NME7: variants seen among roughly 807,000 people sequenced by gnomAD.
NME7 encodes nucleoside diphosphate kinase 7.
Under a neutral mutation model 49.1 loss-of-function variants are expected in NME7, and 41 were observed. The ratio of observed to expected loss-of-function variants is 0.83; its 90% CI spans 0.65 to 1.08. The LOEUF is 1.08. Among genes scored for constraint, NME7 ranks in the 50% least tolerant of loss-of-function variants. The probability of loss-of-function intolerance (pLI) is 0.00; values close to 1 mark genes in which losing one functional copy is unlikely to be tolerated. For missense variants in NME7, 423 were observed against 463.4 expected (o/e 0.91, Z 0.80); for synonymous variants, 139 against 150.6 (o/e 0.92, Z 0.56).
At chr1:169,362,793 T>A (rs1342898700) in intron 1 of NME7, among the ~76,000 whole-genome samples, 1 of 152,226 alleles carries the variant, frequency 6.6e-6, no homozygotes, top group Non-Finnish European at 1.5e-5. Context: ...GTGATCTGGA[T>A]GCACAAAGAA....
chr1:169,295,240 G>A (rs1246745634), intron 6 of NME7, among the ~76,000 whole-genome samples: 1 of 152,002 alleles, frequency 6.6e-6, no homozygotes, highest in Non-Finnish European at 1.5e-5. Flanking sequence ...AACACAAAAT[G>A]GACTGAGACA....
intron 10 of NME7, among the ~76,000 whole-genome samples, chr1:169,179,695 T>A (rs189927035): frequency 5.3e-5 from 8 of 152,224 alleles, no homozygotes; most frequent in Middle Eastern, 3.4e-3. Flanking sequence ...CTTAGCAAAC[T>A]AACGCAGGAA....
intron 11 of NME7, among the ~76,000 whole-genome samples, chr1:169,161,844 C>CT (rs1380019197): frequency 6.6e-6 from 1 of 152,304 alleles, no homozygotes; most frequent in East Asian, 1.9e-4. Flanking sequence ...GACCTAGGTT[C>CT]TATAATGCTT....
At chr1:169,194,202 C>T (rs1660309909) in intron 10 of NME7, among the ~76,000 whole-genome samples, 1 of 152,096 alleles carries the variant, frequency 6.6e-6, no homozygotes, top group African/African-American at 2.4e-5. Flanking sequence ...CAAAATTTCT[C>T]AATCCCTATG....
At chr1:169,306,333 G>A (rs145794154) in intron 4 of NME7, among the ~76,000 whole-genome samples, 1 of 152,266 alleles carries the variant, frequency 6.6e-6, no homozygotes, top group African/African-American at 2.4e-5. Flanking sequence ...ATGGCAATAA[G>A]AAAATGGCAT....
At chr1:169,202,096 C>T (rs1660566491) in intron 10 of NME7, among the ~76,000 whole-genome samples, 1 of 152,156 alleles carries the variant, frequency 6.6e-6, no homozygotes, top group African/African-American at 2.4e-5. Context: ...ATGTTTCCCA[C>T]ATTATGTCAT....
chr1:169,291,452 T>C (rs1315823539), intron 6 of NME7, among the ~76,000 whole-genome samples: 1 of 151,192 alleles, frequency 6.6e-6, no homozygotes, highest in East Asian at 1.9e-4. Context: ...TATGTGGGAG[T>C]TGAACAATGA....
intron 6 of NME7, among the ~76,000 whole-genome samples, chr1:169,296,156 CA>C (rs1460619108): frequency 6.6e-6 from 1 of 151,498 alleles, no homozygotes; most frequent in South Asian, 2.1e-4. Context: ...AAAAACTCCT[CA>C]AAAAAAAAGT....
intron 7 of NME7, among the ~76,000 whole-genome samples, chr1:169,268,751 A>G (rs2101871506): frequency 7.5e-6 from 1 of 133,446 alleles, no homozygotes; most frequent in East Asian, 2.0e-4. Flanking sequence ...AAAGACATGG[A>G]CAGAAGTTGA....
intron 1 of NME7, among the ~76,000 whole-genome samples, chr1:169,333,221 C>A (rs555843668): frequency 5.3e-5 from 8 of 152,148 alleles, no homozygotes; most frequent in South Asian, 4.1e-4. Flanking sequence ...ACAAACATCA[C>A]ATGTTCTCAC....
intron 7 of NME7, among the ~76,000 whole-genome samples, chr1:169,238,852 T>C (rs951020587): frequency 1.1e-4 from 17 of 152,124 alleles, no homozygotes; most frequent in African/African-American, 3.4e-4. Context: ...CTTGTTTTTA[T>C]GGCAAATAAC....
chr1:169,151,809 G>A (rs1033115734), intron 11 of NME7, among the ~76,000 whole-genome samples: 18 of 138,546 alleles, frequency 1.3e-4, no homozygotes, highest in African/African-American at 3.7e-4. Flanking sequence ...CCCTCCCTCT[G>A]TCTATGTCCT....
At chr1:169,272,094 CTTAA>C (rs1649510756) in intron 7 of NME7, among the ~76,000 whole-genome samples, 1 of 130,794 alleles carries the variant, frequency 7.6e-6, no homozygotes, top group South Asian at 2.3e-4. Context: ...ATTTCTTTGC[CTTAA>C]TTAAGTTATA....
intron 7 of NME7, among the ~76,000 whole-genome samples, chr1:169,255,748 G>A (rs1369480437): frequency 2.8e-4 from 35 of 127,004 alleles, no homozygotes; most frequent in African/African-American, 8.8e-4. Flanking sequence ...AGCTCTTTTA[G>A]GGCAGGCCTG....
chr1:169,203,095 G>C (rs915732042), intron 10 of NME7, among the ~76,000 whole-genome samples: 21 of 152,254 alleles, frequency 1.4e-4, no homozygotes, highest in African/African-American at 5.1e-4. Context: ...GATAAGAAAG[G>C]CTACACAAGT....
chr1:169,144,399 A>T (rs553260263), intron 11 of NME7, among the ~76,000 whole-genome samples: 2 of 152,294 alleles, frequency 1.3e-5, no homozygotes, highest in East Asian at 3.9e-4. Flanking sequence ...TCAGCCTGGA[A>T]TACTATTCTA....
chr1:169,355,758 C>T (rs1454390831), intron 1 of NME7, among the ~76,000 whole-genome samples: 2 of 152,040 alleles, frequency 1.3e-5, no homozygotes, highest in East Asian at 3.9e-4. Context: ...TCTTCACTCT[C>T]TGTCTTGTTT....
In NME7 at chr1:169,132,828, G is replaced by A. The variant is rs936380360; in HGVS notation, c.1099-11C>T. 4 of 1,612,432 alleles carry A rather than the reference G, an allele frequency of 2.5e-6. No homozygotes were observed. Among genetic ancestry groups the A allele is most frequent in the Middle Eastern group, 3.3e-4 (2 of 6,058 alleles). ...GAAGAAGTATTGAACCTGAAACGGAGAAACACATAATTTCTTAGTTCAGAC... is the reference window on the plus strand; with the variant it reads ...GAAGAAGTATTGAACCTGAAACGGAAAAACACATAATTTCTTAGTTCAGAC... On this transcript the variant is annotated splice_polypyrimidine_tract_variant and intron_variant, in intron 11 of 11. Transcript: ENST00000367811.
intron 10 of NME7, among the ~76,000 whole-genome samples, chr1:169,230,013 G>C (rs1571309156): frequency 6.6e-6 from 1 of 151,462 alleles, no homozygotes; most frequent in East Asian, 1.9e-4. Context: ...AAATTAAATT[G>C]AATTGGCTGC....
Sources: gnomAD v4.1 joint callset for allele counts (sites outside exome capture counted in the v4.1 genomes callset) on GRCh38, gnomAD v4.1.1 for gene constraint, MANE v1.5 for transcripts, NCBI Gene and HGNC (gene_info 2026-07-23, HGNC 2026-07-21) for gene names.